The following OPA3 variants were observed in gnomAD, a reference collection of about 807,000 sequenced individuals.
OPA3 encodes optic atrophy 3 protein.
A neutral mutation model predicts 4.0 loss-of-function variants in OPA3; 6 were observed. The observed-to-expected ratio is 1.51, with a 90% CI of 0.83 to 2.99. OPA3 has a LOEUF of 2.99. Ranked by LOEUF, OPA3 falls within the 30% of genes most tolerant of loss-of-function variation. The probability of loss-of-function intolerance (pLI) is 0.00; values close to 1 mark genes in which losing one functional copy is unlikely to be tolerated. For synonymous variants in OPA3, 105 were observed against 117.1 expected (o/e 0.90, Z 0.67); for missense variants, 235 against 256.2 (o/e 0.92, Z 0.56).
At position 45,550,164 on chromosome 19, in the gene OPA3, A is replaced by C. The variant is rs181719786; in HGVS notation, c.*3350T>G. 2.9e-4 allele frequency: 285 copies of C among 975,612 alleles called. 1 individual carries two copies. The Admixed American group carries it at 5.1e-3, about 17-fold the overall frequency. The allele number at this position is 975,612 out of a possible 1,614,324, so 60.4% of individuals were successfully genotyped here. ...GGAGCTAGACTGTCTCCGAAAGAAA[A>C]GAAAAGAAAAAAGAAGAGAAAAGAA... is the stretch of plus-strand genomic sequence containing the variant. On this transcript the variant is annotated 3_prime_UTR_variant, in exon 2 of 2. Transcript: ENST00000263275.
downstream of OPA3, among the ~76,000 whole-genome samples, chr19:45,545,930 T>C (rs1453829821): frequency 6.6e-6 from 1 of 152,000 alleles, no homozygotes; most frequent in African/African-American, 2.4e-5. Context: ...CCCAGGCTGG[T>C]CTTGAACTCC....
At chr19:45,537,632 C>A (rs1056126398) in intron 1 of OPA3, among the ~76,000 whole-genome samples, 8 of 151,076 alleles carry the variant, frequency 5.3e-5, no homozygotes, top group African/African-American at 1.2e-4. Flanking sequence ...TTTTTCTTTT[C>A]TTTTATTTTC....
At position 45,548,062 on chromosome 19, in the gene OPA3, G is replaced by A. The variant is rs530620363; in HGVS notation, c.*5452C>T. ...TCAGCTCCAGTGAGGGCCTCTGCTT[G>A]CTCCCAACTGGCTCCCAGCTACTAG... On this transcript the variant is annotated 3_prime_UTR_variant, in exon 2 of 2. Coordinates refer to ENST00000263275, the MANE Select transcript of OPA3 (RefSeq NM_025136.4). 12 of 947,576 alleles carry A rather than the reference G, an allele frequency of 1.3e-5. No homozygotes were observed. The highest frequency in any genetic ancestry group is 1.8e-5 in the African/African-American group (1 of 56,440). The allele number at this position is 947,576 out of a possible 1,614,324, so 58.7% of individuals were successfully genotyped here.
intron 1 of OPA3, among the ~76,000 whole-genome samples, chr19:45,583,312 C>G (rs528736167): frequency 6.6e-6 from 1 of 152,070 alleles, no homozygotes; most frequent in South Asian, 2.1e-4. Context: ...CCACCACGCC[C>G]GGCTAATTTT....
chr19:45,569,415 C>A (rs1165341906), intron 1 of OPA3, among the ~76,000 whole-genome samples: 2 of 152,084 alleles, frequency 1.3e-5, no homozygotes, highest in Non-Finnish European at 2.9e-5. Flanking sequence ...GCCGAGATCG[C>A]GCCACTGCAC....
At chr19:45,528,235 C>T (rs2122364529) in exon 2 of OPA3, 1 of 152,464 alleles carries the variant, frequency 6.6e-6, no homozygotes. Flanking sequence ...TGGTCAAGAC[C>T]GGTTTTTCCT....
chr19:45,537,361 C>A (rs1461339381), intron 1 of OPA3, among the ~76,000 whole-genome samples: 2 of 116,614 alleles, frequency 1.7e-5, no homozygotes, highest in East Asian at 5.5e-4. Flanking sequence ...GGTGCCACTG[C>A]ACTCCAGCCT....
At position 45,584,792 on chromosome 19, in the gene OPA3, C is replaced by A. The variant is rs1969909494; in HGVS notation, c.-28G>T. ...TGGCGGTCTCACAGGGCACGCGCAA[C>A]CTTGCTGACTGGGCGGGGCGCCTCA... On this transcript the variant is annotated 5_prime_UTR_variant, in exon 1 of 2. Transcript: ENST00000263275. 1 of 1,612,348 alleles carries A rather than the reference C, an allele frequency of 6.2e-7. No homozygotes were observed. Among genetic ancestry groups the A allele is most frequent in the African/African-American group, 1.3e-5 (1 of 74,920 alleles).
rs562643885 is a variant in OPA3, at chr19:45,562,990, G to C, written c.143-9079C>G. Among the ~76,000 whole-genome samples, 38 of 152,286 alleles carry C rather than the reference G, an allele frequency of 2.5e-4. 1 individual carries two copies. Among genetic ancestry groups the C allele is most frequent in the African/African-American group, 8.7e-4 (36 of 41,564 alleles). ...TGAAAACAGAAACAGCCCCCAGGTG[G>C]CTCGACTGTGAGGAAATGGACCTTC... On this transcript the variant is annotated intron_variant, in intron 1 of 1. Transcript: ENST00000263275.
intron 1 of OPA3, among the ~76,000 whole-genome samples, chr19:45,572,445 A>G (rs117107353): frequency 0.23 from 30,581 of 130,434 alleles, 4,737 homozygotes; most frequent in Non-Finnish European, 0.33. Context: ...TATGTATATC[A>G]ATATATGATA....
At chr19:45,580,356 T>C (rs1468850313) in intron 1 of OPA3, among the ~76,000 whole-genome samples, 10 of 136,754 alleles carry the variant, frequency 7.3e-5, no homozygotes, top group Middle Eastern at 4.9e-3. Context: ...TGCAATGGCG[T>C]GATCTCGGCT....
chr19:45,560,765 C>A (rs971752090), intron 1 of OPA3, among the ~76,000 whole-genome samples: 1 of 152,194 alleles, frequency 6.6e-6, no homozygotes, highest in Admixed American at 6.6e-5. Context: ...TCAGATCTCT[C>A]TCAGCCCCGG....
chr19:45,562,690 A>T (rs1482579389), intron 1 of OPA3, among the ~76,000 whole-genome samples: 1 of 152,226 alleles, frequency 6.6e-6, no homozygotes, highest in East Asian at 1.9e-4. Flanking sequence ...AGTCTCAAAA[A>T]AAATATAAAT....
Position 45,553,444 on chromosome 19 carries a change from G to A in OPA3, c.*70C>T, listed in dbSNP as rs1969366508. On this transcript the variant is annotated 3_prime_UTR_variant, in exon 2 of 2. Coordinates refer to ENST00000263275, the MANE Select transcript of OPA3 (RefSeq NM_025136.4). ...TTTCCACTGGGCCAGCGCAGGCAAGGGTGGTGCGGGAAGAAGGCCACGTTA... is the reference window on the plus strand; with the variant it reads ...TTTCCACTGGGCCAGCGCAGGCAAGAGTGGTGCGGGAAGAAGGCCACGTTA... The A allele has an allele frequency of 1.2e-6, 2 of 1,604,178 alleles. No individual in the cohort carries two copies. Among genetic ancestry groups the A allele is most frequent in the East Asian group, 2.2e-5 (1 of 44,856 alleles).
chr19:45,549,019 G>C lies in OPA3; in HGVS notation c.*4495C>G, dbSNP rs1178464927. 3.9e-6 allele frequency: 2 copies of C among 515,660 alleles called. No homozygotes were observed. Among genetic ancestry groups the C allele is most frequent in the African/African-American group, 4.2e-5 (2 of 47,794 alleles). 31.9% of individuals were successfully genotyped at this position (515,660 alleles called of 1,614,324 possible). Reference sequence around the variant, plus strand: ...GAGGTTTCACCATGTTGATCAGGTTGGTCTTGAACTCCTGACCTCAGGTGA... The same window carrying C: ...GAGGTTTCACCATGTTGATCAGGTTCGTCTTGAACTCCTGACCTCAGGTGA... On this transcript the variant is annotated 3_prime_UTR_variant, in exon 2 of 2. Coordinates refer to ENST00000263275, the MANE Select transcript of OPA3 (RefSeq NM_025136.4).
chr19:45,551,586 T>C lies in OPA3; in HGVS notation c.*1928A>G, dbSNP rs1054153562. 17 of 504,546 alleles carry C rather than the reference T, an allele frequency of 3.4e-5. No homozygotes were observed. In the African/African-American group the frequency reaches 3.5e-4, roughly 11 times the overall value. The allele number at this position is 504,546 out of a possible 1,614,324, so 31.3% of individuals were successfully genotyped here. A position where few individuals can be genotyped will look rare whatever the true frequency, so the allele number is the denominator to read the frequency against. On this transcript the variant is annotated 3_prime_UTR_variant, in exon 2 of 2. Transcript: ENST00000263275. ...GAGCGTGTCCCTGTCAGCACCTTGG[T>C]TTCAGACTTCTGGACTCCAGAACTG...
rs763882469 is a variant in OPA3 at position 45,584,775 on chromosome 19, T to G, written c.-11A>C. 2 of 1,613,280 alleles carry G rather than the reference T, an allele frequency of 1.2e-6. No individual in the cohort carries two copies. On this transcript the variant is annotated 5_prime_UTR_variant, in exon 1 of 2. Transcript: ENST00000263275. ...CGCGCCCACCACCATCTTGGCGGTC[T>G]CACAGGGCACGCGCAACCTTGCTGA...
chr19:45,573,702 T>C (rs184030619), intron 1 of OPA3, among the ~76,000 whole-genome samples: 12 of 152,254 alleles, frequency 7.9e-5, no homozygotes, highest in Non-Finnish European at 1.8e-4. Flanking sequence ...CACTGTTTAC[T>C]GAATGGTGCT....
At chr19:45,556,267 C>T (rs1969419581) in intron 1 of OPA3, among the ~76,000 whole-genome samples, 1 of 152,122 alleles carries the variant, frequency 6.6e-6, no homozygotes, top group Non-Finnish European at 1.5e-5. Context: ...CCTCAGCCTC[C>T]TGAGTAGCTA....
Sources: gnomAD v4.1 joint callset for allele counts (sites outside exome capture counted in the v4.1 genomes callset) on GRCh38, gnomAD v4.1.1 for gene constraint, MANE v1.5 for transcripts, NCBI Gene and HGNC (gene_info 2026-07-23, HGNC 2026-07-21) for gene names.